Variants in SECISBP2L observed in about 807,000 individuals in gnomAD.
SECISBP2L encodes SECIS binding protein 2 like, also known as selenocysteine insertion sequence-binding protein 2-like.
A neutral mutation model predicts 114.7 loss-of-function variants in SECISBP2L; 43 were observed. The ratio of observed to expected loss-of-function variants is 0.38; its 90% CI spans 0.29 to 0.48. The LOEUF (loss-of-function observed/expected upper bound fraction) is 0.48, where lower values mean the gene tolerates loss of function less well. Among genes scored for constraint, SECISBP2L ranks in the 20% least tolerant of loss-of-function variants. The pLI, the probability that SECISBP2L is intolerant of heterozygous loss-of-function variation, is 0.98. For missense variants in SECISBP2L, 1,136 were observed against 1,301.1 expected (o/e 0.87, Z 1.95); for synonymous variants, 451 against 439.7 (o/e 1.03, Z -0.32).
chr15:49,022,472 A>G (rs1378291779), intron 7 of SECISBP2L, among the ~76,000 whole-genome samples: 1 of 152,058 alleles, frequency 6.6e-6, no homozygotes, highest in Non-Finnish European at 1.5e-5. Context: ...GGTAGCAGGC[A>G]CCTGTAATCT....
rs370112668 is a variant in SECISBP2L, at chr15:49,034,556, C to T, written c.528+778G>A. Among the ~76,000 whole-genome samples the T allele has an allele frequency of 1.1e-4, 17 of 151,988 alleles. No homozygotes were observed. The South Asian group carries it at 2.5e-3, about 22-fold the overall frequency. On this transcript the variant is annotated intron_variant, in intron 3 of 17. Transcript: ENST00000559471. ...CCTCTTAAATAACAAAGTGCTATTC[C>T]TACTAAAAATTCACAGAGTAGAAAC...
At chr15:49,000,318 T>C (rs1298911128) in intron 15 of SECISBP2L, among the ~76,000 whole-genome samples, 1 of 152,194 alleles carries the variant, frequency 6.6e-6, no homozygotes, top group African/African-American at 2.4e-5. Context: ...CTTGCAAATG[T>C]TTCAGCTCAA....
intron 14 of SECISBP2L, among the ~76,000 whole-genome samples, chr15:49,006,555 T>C (rs916837078): frequency 6.6e-6 from 1 of 152,174 alleles, no homozygotes; most frequent in Admixed American, 6.5e-5. Flanking sequence ...TTGATACTTG[T>C]GTATGCTTCA....
chr15:48,993,919 T>C (rs543290901), intron 17 of SECISBP2L, among the ~76,000 whole-genome samples: 1 of 152,260 alleles, frequency 6.6e-6, no homozygotes, highest in African/African-American at 2.4e-5. Context: ...TTTATAGGTA[T>C]AATATTCTTA....
At chr15:49,045,824 G>A (rs1903235186) in intron 1 of SECISBP2L, among the ~76,000 whole-genome samples, 1 of 152,152 alleles carries the variant, frequency 6.6e-6, no homozygotes, top group South Asian at 2.1e-4. Flanking sequence ...ATTGAACACA[G>A]ACCTAAAAGG....
intron 1 of SECISBP2L, among the ~76,000 whole-genome samples, chr15:49,039,224 C>G (rs940192702): frequency 2.0e-5 from 3 of 152,128 alleles, no homozygotes; most frequent in African/African-American, 7.2e-5. Flanking sequence ...TATTAGTGAA[C>G]TGAAGTTGGT....
At chr15:49,005,174 A>T (rs1369402409) in intron 14 of SECISBP2L, among the ~76,000 whole-genome samples, 2 of 152,170 alleles carry the variant, frequency 1.3e-5, no homozygotes, top group Non-Finnish European at 2.9e-5. Context: ...TACTAAAAAT[A>T]CAAAAATTAG....
At position 48,989,037 on chromosome 15, in the gene SECISBP2L, G is replaced by T. The variant is rs544156860; in HGVS notation, c.*3207C>A. On this transcript the variant is annotated 3_prime_UTR_variant, in exon 18 of 18. Coordinates refer to ENST00000559471, the MANE Select transcript of SECISBP2L (RefSeq NM_001193489.2). Reference sequence around the variant, plus strand: ...ATGTCTGTAAATAAATTATTTCACAGAATTTTTTTAAATCAAAAAAAGATA... The same window carrying T: ...ATGTCTGTAAATAAATTATTTCACATAATTTTTTTAAATCAAAAAAAGATA... The T allele has an allele frequency of 6.6e-6, 1 of 152,186 alleles. No homozygotes were observed. Among genetic ancestry groups the T allele is most frequent in the Non-Finnish European group, 1.5e-5 (1 of 68,078 alleles). The allele number at this position is 152,186 out of a possible 1,614,324, so 9.4% of individuals were successfully genotyped here.
chr15:49,021,680 G>A (rs1902642251), intron 7 of SECISBP2L, among the ~76,000 whole-genome samples: 1 of 152,162 alleles, frequency 6.6e-6, no homozygotes. Flanking sequence ...TGTATTAACG[G>A]TGTTACAAAC....
At chr15:49,033,863 T>G (rs1595795427) in intron 3 of SECISBP2L, among the ~76,000 whole-genome samples, 1 of 152,290 alleles carries the variant, frequency 6.6e-6, no homozygotes, top group Admixed American at 6.5e-5. Context: ...ATTAATAAAC[T>G]GATCTCTTCC....
At chr15:49,038,143 A>G (rs1157321465) in intron 1 of SECISBP2L, among the ~76,000 whole-genome samples, 1 of 152,174 alleles carries the variant, frequency 6.6e-6, no homozygotes. Context: ...AATTGAACAA[A>G]ATTATGAAGG....
chr15:49,027,767 T>C (rs374797622), intron 6 of SECISBP2L, among the ~76,000 whole-genome samples: 19 of 152,068 alleles, frequency 1.2e-4, no homozygotes, highest in African/African-American at 4.6e-4. Flanking sequence ...CACCACCACG[T>C]CCAGTTAACT....
In SECISBP2L at chr15:49,009,356, A is replaced by G. The variant is rs1235331492; in HGVS notation, c.1887T>C (p.Ser629=). 3.7e-6 allele frequency: 6 copies of G among 1,614,048 alleles called. No homozygotes were observed. Among genetic ancestry groups the G allele is most frequent in the Non-Finnish European group, 5.1e-6 (6 of 1,179,944 alleles). Residue 629 remains serine, a synonymous_variant, in exon 14 of 18, where the codon AGT becomes AGC. Coordinates refer to ENST00000559471, the MANE Select transcript of SECISBP2L (RefSeq NM_001193489.2). ...GACTTGCTGGAGAGAGTGAAGTATCACTGGGCATGCTTAGTCCAGTATCTG... is the reference window on the plus strand; with the variant it reads ...GACTTGCTGGAGAGAGTGAAGTATCGCTGGGCATGCTTAGTCCAGTATCTG... ...SQEDTGLSMP[S]DTSLSPASQN... is the part of the protein sequence containing the mutation.
chr15:49,040,139 T>C (rs1439283325), intron 1 of SECISBP2L, among the ~76,000 whole-genome samples: 1 of 152,202 alleles, frequency 6.6e-6, no homozygotes, highest in Admixed American at 6.5e-5. Flanking sequence ...TTTATAAACT[T>C]AGGCAACCTA....
chr15:49,046,427 ACCGATTCGGCTACGCCACTGG>A, exon 1 of SECISBP2L: 1 of 1,054,026 alleles, frequency 9.5e-7, no homozygotes, highest in Non-Finnish European at 1.3e-6. Context: ...TGGCCGCGAC[ACCGATTCGGCTACGCCACTGG>A]CCGAGGAGGC....
intron 8 of SECISBP2L, 107 bp from the exon 9 acceptor site, chr15:49,017,735 T>C (rs1470926576): frequency 8.6e-6 from 6 of 698,974 alleles, no homozygotes; most frequent in Non-Finnish European, 1.4e-5. Flanking sequence ...TGTATTCTAT[T>C]ACTGAATTAT....
intron 1 of SECISBP2L, among the ~76,000 whole-genome samples, chr15:49,043,066 T>G (rs770295994): frequency 6.6e-6 from 1 of 152,222 alleles, no homozygotes; most frequent in Non-Finnish European, 1.5e-5. Context: ...AATTTCCAAA[T>G]GCTATTTTCC....
At chr15:49,025,634 C>T (rs1335001368) in intron 7 of SECISBP2L, among the ~76,000 whole-genome samples, 1 of 152,004 alleles carries the variant, frequency 6.6e-6, no homozygotes, top group Non-Finnish European at 1.5e-5. Context: ...TGAAAAAATG[C>T]TCAGCATCAC....
chr15:49,020,304 C>T (rs1281307867), intron 7 of SECISBP2L, among the ~76,000 whole-genome samples: 1 of 151,674 alleles, frequency 6.6e-6, no homozygotes, highest in Non-Finnish European at 1.5e-5. Context: ...CACCTAGGCT[C>T]GAGTGATTCT....
Sources: allele counts gnomAD v4.1 joint callset (sites outside exome capture counted in the v4.1 genomes callset), GRCh38; gene constraint gnomAD v4.1.1; transcripts MANE v1.5; gene names NCBI Gene and HGNC (gene_info 2026-07-23, HGNC 2026-07-21).